Variants in PDZD2 observed in about 807,000 individuals in gnomAD.
The protein encoded by PDZD2 is PDZ domain containing 2.
A neutral mutation model predicts 220.7 loss-of-function variants in PDZD2; 90 were observed. That is an observed-to-expected ratio of 0.41 (90% CI 0.34 to 0.49). PDZD2 has a LOEUF of 0.49. Ranked by LOEUF, PDZD2 falls within the 20% of genes least tolerant of loss-of-function variation. The pLI is 0.28. For missense variants in PDZD2, 3,174 were observed against 3,608.5 expected, an observed-to-expected ratio of 0.88 and a Z score of 3.08; for synonymous variants, 1,375 against 1,450.5, an observed-to-expected ratio of 0.95 and a Z score of 1.18.
chr5:31,882,513 GATT>G (rs1427971441), intron 2 of PDZD2, among the ~76,000 whole-genome samples: 2 of 152,184 alleles, frequency 1.3e-5, no homozygotes, highest in Admixed American at 6.5e-5. Context: ...ATTCCATGTG[GATT>G]ATTATCCAGA....
chr5:31,911,370 A>G (rs1433050165), intron 2 of PDZD2, among the ~76,000 whole-genome samples: 1 of 152,248 alleles, frequency 6.6e-6, no homozygotes, highest in African/African-American at 2.4e-5. Context: ...AGCCTGGGGC[A>G]GTAGAGTTGA....
intron 2 of PDZD2, among the ~76,000 whole-genome samples, chr5:31,888,366 A>G (rs946866440): frequency 9.2e-5 from 14 of 151,962 alleles, no homozygotes; most frequent in Admixed American, 1.3e-4. Flanking sequence ...TAATTTTTGT[A>G]TTTGTAGTAG....
At chr5:31,994,006 T>A (rs1289034717) in intron 3 of PDZD2, among the ~76,000 whole-genome samples, 2 of 152,042 alleles carry the variant, frequency 1.3e-5, no homozygotes, top group Non-Finnish European at 2.9e-5. Context: ...ATTTATTTAT[T>A]TATTGTTTTT....
In PDZD2 at chr5:31,667,011, C is replaced by T. The variant is rs569373305; in HGVS notation, c.-361+27574C>T. On this transcript the variant is annotated intron_variant, in intron 1 of 24. Coordinates refer to ENST00000438447, the MANE Select transcript of PDZD2 (RefSeq NM_178140.4). ...CAGCACTTTGGGAGGCCGAGGTGGGCGGATCACGAGGTCAGGAGATCGAGA... is the reference window on the plus strand; with the variant it reads ...CAGCACTTTGGGAGGCCGAGGTGGGTGGATCACGAGGTCAGGAGATCGAGA... Among the ~76,000 whole-genome samples, 20 of 151,952 alleles carry T rather than the reference C, an allele frequency of 1.3e-4. No individual in the cohort carries two copies. The East Asian group carries it at 1.7e-3, about 13-fold the overall frequency.
At chr5:32,022,656 A>G (rs1278050808) in intron 6 of PDZD2, among the ~76,000 whole-genome samples, 1 of 152,094 alleles carries the variant, frequency 6.6e-6, no homozygotes, top group African/African-American at 2.4e-5. Flanking sequence ...TAGGACTTCC[A>G]CAGGAACACC....
At chr5:31,683,260 G>A (rs1457509232) in intron 1 of PDZD2, among the ~76,000 whole-genome samples, 2 of 151,116 alleles carry the variant, frequency 1.3e-5, no homozygotes, top group Non-Finnish European at 2.9e-5. Flanking sequence ...AGAAAAGAAG[G>A]TCATAAGATT....
intron 1 of PDZD2, among the ~76,000 whole-genome samples, chr5:31,719,211 G>C (rs1008707400): frequency 2.0e-5 from 3 of 152,130 alleles, no homozygotes; most frequent in Admixed American, 6.5e-5. Context: ...AGTCAATGGT[G>C]TCTATTCAAT....
intron 2 of PDZD2, among the ~76,000 whole-genome samples, chr5:31,913,305 C>T (rs1743367108): frequency 1.3e-5 from 2 of 150,094 alleles, no homozygotes; most frequent in Admixed American, 6.6e-5. Flanking sequence ...CATGCCCCTG[C>T]ACTCCAGCCT....
chr5:32,024,327 G>A (rs1754448426), intron 6 of PDZD2, among the ~76,000 whole-genome samples: 1 of 152,182 alleles, frequency 6.6e-6, no homozygotes, highest in Non-Finnish European at 1.5e-5. Flanking sequence ...CAGTGCATAA[G>A]CGCTTAGCTA....
At chr5:31,952,178 TTGTTC>T (rs760897175) in intron 2 of PDZD2, among the ~76,000 whole-genome samples, 135 of 152,374 alleles carry the variant, frequency 8.9e-4, no homozygotes, top group Non-Finnish European at 1.2e-3. Flanking sequence ...AAAGTTGGAC[TTGTTC>T]CACTGTCTGT....
chr5:31,697,034 G>A (rs554854172), intron 1 of PDZD2, among the ~76,000 whole-genome samples: 5 of 152,338 alleles, frequency 3.3e-5, no homozygotes, highest in Middle Eastern at 3.4e-3. Context: ...TGCTCATAGG[G>A]GCATAACTCG....
intron 2 of PDZD2, among the ~76,000 whole-genome samples, chr5:31,898,539 CT>C: frequency 6.6e-6 from 1 of 152,210 alleles, no homozygotes; most frequent in Non-Finnish European, 1.5e-5. Context: ...CCTTCCACCC[CT>C]GATTGTCTGT....
intron 12 of PDZD2, among the ~76,000 whole-genome samples, chr5:32,058,737 G>C (rs1739381591): frequency 1.3e-5 from 2 of 148,584 alleles, no homozygotes; most frequent in Admixed American, 6.7e-5. Flanking sequence ...AAATTTTAAA[G>C]AACAAAAGAT....
chr5:32,073,759 G>A (rs1252683511), intron 17 of PDZD2, 73 bp from the exon 18 acceptor site: 6 of 898,930 alleles, frequency 6.7e-6, no homozygotes, highest in Admixed American at 2.2e-5. Flanking sequence ...GTGTAATGAT[G>A]GGGTCAGATG....
intron 1 of PDZD2, chr5:31,725,497 T>C (rs1309719193): frequency 1.6e-6 from 2 of 1,255,334 alleles, no homozygotes; most frequent in Admixed American, 2.6e-5. Context: ...AAATGAATGA[T>C]CCATGTCTAA....
intron 1 of PDZD2, among the ~76,000 whole-genome samples, chr5:31,767,932 GA>G (rs1432530626): frequency 6.6e-6 from 1 of 152,084 alleles, no homozygotes; most frequent in Non-Finnish European, 1.5e-5. Context: ...TAACATACTT[GA>G]AAGCAAAGTG....
chr5:31,685,684 T>C (rs1227568176), intron 1 of PDZD2, among the ~76,000 whole-genome samples: 1 of 152,080 alleles, frequency 6.6e-6, no homozygotes, highest in Non-Finnish European at 1.5e-5. Flanking sequence ...CCACCATGCC[T>C]GGCTAATTTT....
chr5:32,099,081 G>C (rs1319649116), intron 23 of PDZD2: 1 of 154,962 alleles, frequency 6.5e-6, no homozygotes, highest in Non-Finnish European at 1.4e-5. Flanking sequence ...GGGGGCAAGA[G>C]TATTTTGTGT....
chr5:31,700,153 T>A (rs192485347), intron 1 of PDZD2, among the ~76,000 whole-genome samples: 1 of 151,736 alleles, frequency 6.6e-6, no homozygotes, highest in African/African-American at 2.4e-5. Flanking sequence ...GGACACGAGA[T>A]GTGAGAGAGA....
Sources: allele counts gnomAD v4.1 joint callset (sites outside exome capture counted in the v4.1 genomes callset), GRCh38; gene constraint gnomAD v4.1.1; transcripts MANE v1.5; gene names NCBI Gene and HGNC (gene_info 2026-07-23, HGNC 2026-07-21).